The following MCUR1 variants were observed in gnomAD, a reference collection of about 807,000 sequenced individuals.
MCUR1 encodes the protein mitochondrial calcium uniporter regulator 1, also known as MCU regulator 1.
A neutral mutation model predicts 42.0 loss-of-function variants in MCUR1; 37 were observed. That is an observed-to-expected ratio of 0.88 (90% CI 0.68 to 1.16). The LOEUF is 1.16. MCUR1 is among the 50% of genes most tolerant of loss of function. MCUR1 has a pLI of 0.00. For missense variants in MCUR1, 469 were observed against 468.4 expected, an observed-to-expected ratio of 1.00 and a Z score of -0.01; for synonymous variants, 229 against 196.2, an observed-to-expected ratio of 1.17 and a Z score of -1.40.
At chr6:13,796,283 TTTC>T (rs1310603155) in intron 6 of MCUR1, among the ~76,000 whole-genome samples, 47 of 143,412 alleles carry the variant, frequency 3.3e-4, no homozygotes, top group Admixed American at 3.0e-3. Flanking sequence ...CATCATTTTT[TTTC>T]TTTTCTTTTT....
Position 13,814,192 on chromosome 6 carries a change from A to G in MCUR1, c.238T>C (p.Leu80=), listed in dbSNP as rs997794216. 1.9e-5 allele frequency: 27 copies of G among 1,386,912 alleles called. No individual in the cohort carries two copies. The highest frequency in any genetic ancestry group is 1.4e-5 in the Non-Finnish European group (15 of 1,078,992). 85.9% of individuals were successfully genotyped at this position (1,386,912 alleles called of 1,614,324 possible). A position where few individuals can be genotyped will look rare whatever the true frequency, so the allele number is the denominator to read the frequency against. The part of the protein sequence containing the change: ...LLLLLVPSPR[L]AAAAPRRQLG... ...TGCCGGCGCGGGGCTGCGGCGGCCA[A>G]GCGCGGGGAGGGCACTAGCAGGAGG... is the stretch of plus-strand genomic sequence containing the variant. The change falls in exon 1 of 9, where the codon TTG becomes CTG. Residue 80 remains leucine, a synonymous_variant. Coordinates refer to ENST00000379170, the MANE Select transcript of MCUR1 (RefSeq NM_001031713.4).
At chr6:13,808,227 C>G (rs1311659976) in intron 1 of MCUR1, among the ~76,000 whole-genome samples, 1 of 152,130 alleles carries the variant, frequency 6.6e-6, no homozygotes, top group Admixed American at 6.5e-5. Flanking sequence ...CTTGAACTTC[C>G]TAGCCTCCAG....
chr6:13,800,591 T>C (rs1344874382), intron 4 of MCUR1, among the ~76,000 whole-genome samples: 2 of 152,232 alleles, frequency 1.3e-5, no homozygotes, highest in African/African-American at 4.8e-5. Context: ...TCAGTTGTGT[T>C]TGGCATACAC....
At chr6:13,792,249 C>T (rs746464100) in intron 7 of MCUR1, among the ~76,000 whole-genome samples, 1 of 152,176 alleles carries the variant, frequency 6.6e-6, no homozygotes, top group Admixed American at 6.5e-5. Flanking sequence ...GTGGCCCTGC[C>T]TTTACCTGGA....
At chr6:13,794,016 A>G in intron 6 of MCUR1, 69 bp from the exon 7 acceptor site, 2 of 1,454,992 alleles carry the variant, frequency 1.4e-6, no homozygotes, top group Non-Finnish European at 1.9e-6. Context: ...CTGGTGCCTT[A>G]AATATTCTGG....
At chr6:13,811,452 C>A (rs570290837) in intron 1 of MCUR1, among the ~76,000 whole-genome samples, 1 of 152,188 alleles carries the variant, frequency 6.6e-6, no homozygotes, top group Non-Finnish European at 1.5e-5. Context: ...TCCCTTTTCA[C>A]ATAAACGAGC....
Position 13,814,530 on chromosome 6 carries a change from G to C in MCUR1, c.-101C>G, listed in dbSNP as rs1342585465. On this transcript the variant is annotated 5_prime_UTR_variant, in exon 1 of 9. Coordinates refer to ENST00000379170, the MANE Select transcript of MCUR1 (RefSeq NM_001031713.4). ...AGAGTCCGACAGCGGGAGCGAGCGT[G>C]GGCCACAGCGCAGGACCGCCCTTTC... 2.3e-6 allele frequency: 3 copies of C among 1,288,454 alleles called. No individual in the cohort carries two copies. The highest frequency in any genetic ancestry group is 3.0e-6 in the Non-Finnish European group (3 of 1,007,958). 79.8% of individuals were successfully genotyped at this position (1,288,454 alleles called of 1,614,324 possible).
intron 6 of MCUR1, among the ~76,000 whole-genome samples, chr6:13,795,168 AC>A (rs1181295425): frequency 6.6e-6 from 1 of 152,100 alleles, no homozygotes; most frequent in African/African-American, 2.4e-5. Flanking sequence ...AAAAACAAAA[AC>A]AAAAAACCCC....
At chr6:13,795,304 T>C (rs1052282441) in intron 6 of MCUR1, among the ~76,000 whole-genome samples, 2 of 152,070 alleles carry the variant, frequency 1.3e-5, no homozygotes. Context: ...CAAGATTTTG[T>C]GCACCACTAA....
At chr6:13,798,686 T>G in intron 6 of MCUR1, 147 bp downstream of exon 6, 1 of 466,412 alleles carries the variant, frequency 2.1e-6, no homozygotes, top group Non-Finnish European at 3.6e-6. Flanking sequence ...AATCCAAAAT[T>G]ATTATAATAG....
At chr6:13,796,288 T>C (rs1759853406) in intron 6 of MCUR1, among the ~76,000 whole-genome samples, 2 of 141,646 alleles carry the variant, frequency 1.4e-5, no homozygotes, top group African/African-American at 6.2e-5. Context: ...TTTTTTTTCT[T>C]TTCTTTTTTT....
intron 3 of MCUR1, among the ~76,000 whole-genome samples, chr6:13,801,934 G>A (rs1259233365): frequency 6.6e-6 from 1 of 152,128 alleles, no homozygotes; most frequent in Non-Finnish European, 1.5e-5. Flanking sequence ...TAAAAGGGTG[G>A]TGATGTGAAG....
chr6:13,797,436 C>T (rs1359108182), intron 6 of MCUR1, among the ~76,000 whole-genome samples: 8 of 152,124 alleles, frequency 5.3e-5, no homozygotes, highest in African/African-American at 1.9e-4. Context: ...AGGCCGGGCG[C>T]GGTGGCTCAC....
Position 13,788,814 on chromosome 6 carries a change from C to T in MCUR1, c.*1995G>A, listed in dbSNP as rs960566078. 6.6e-6 allele frequency: 1 copy of T among 152,216 alleles called. No homozygotes were observed. Among genetic ancestry groups the T allele is most frequent in the Admixed American group, 6.5e-5 (1 of 15,280 alleles). 9.4% of individuals were successfully genotyped at this position (152,216 alleles called of 1,614,324 possible). A position where few individuals can be genotyped will look rare whatever the true frequency, so the allele number is the denominator to read the frequency against. On this transcript the variant is annotated 3_prime_UTR_variant, in exon 9 of 9. Coordinates refer to ENST00000379170, the MANE Select transcript of MCUR1 (RefSeq NM_001031713.4). ...ATTTCACTTTGAAACTGCTATTGCT[C>T]ATGCAAAAGTACTTGATTTTCATAC...
Position 13,790,688 on chromosome 6 carries a change from G to A in MCUR1, c.*121C>T, listed in dbSNP as rs1001771526. ...GGCTGGTCTCGAACTCCTGACCTCA[G>A]GTAATCCACCTGCCTCAGCCTCCCA... On this transcript the variant is annotated 3_prime_UTR_variant, in exon 9 of 9. Coordinates refer to ENST00000379170, the MANE Select transcript of MCUR1 (RefSeq NM_001031713.4). The A allele has an allele frequency of 9.5e-6, 6 of 633,274 alleles. No individual in the cohort carries two copies. In the African/African-American group the frequency reaches 1.1e-4, roughly 12 times the overall value. 39.2% of individuals were successfully genotyped at this position (633,274 alleles called of 1,614,324 possible).
At chr6:13,807,614 C>T (rs571317850) in intron 1 of MCUR1, among the ~76,000 whole-genome samples, 16 of 152,294 alleles carry the variant, frequency 1.1e-4, no homozygotes, top group South Asian at 2.1e-4. Context: ...ATTACATGGA[C>T]GTTGTTTTCA....
chr6:13,806,717 G>C (rs537514424), intron 2 of MCUR1, among the ~76,000 whole-genome samples: 34 of 152,094 alleles, frequency 2.2e-4, no homozygotes, highest in African/African-American at 8.0e-4. Flanking sequence ...CTTGAGCCTG[G>C]GAGGCAGGTT....
intron 6 of MCUR1, among the ~76,000 whole-genome samples, chr6:13,795,717 G>A (rs1469958094): frequency 2.6e-5 from 4 of 152,082 alleles, no homozygotes; most frequent in Non-Finnish European, 2.9e-5. Flanking sequence ...ATGATACAGT[G>A]GACTTTGAGG....
intron 7 of MCUR1, 54 bp from the exon 8 acceptor site, chr6:13,792,046 A>C: frequency 7.5e-7 from 1 of 1,341,350 alleles, no homozygotes. Flanking sequence ...CCCTCTGCTC[A>C]CCATCCTATA....
Sources: gnomAD v4.1 joint callset for allele counts (sites outside exome capture counted in the v4.1 genomes callset) on GRCh38, gnomAD v4.1.1 for gene constraint, MANE v1.5 for transcripts, NCBI Gene and HGNC (gene_info 2026-07-23, HGNC 2026-07-21) for gene names.